The following ROBO2 variants were observed in gnomAD, a reference collection of about 807,000 sequenced individuals.
The protein encoded by ROBO2 is roundabout homolog 2.
Under a neutral mutation model 160.8 loss-of-function variants are expected in ROBO2, and 53 were observed. The observed-to-expected ratio is 0.33, with a 90% CI of 0.26 to 0.41. The LOEUF is 0.41. Ranked by LOEUF, ROBO2 falls within the 10% of genes least tolerant of loss-of-function variation. ROBO2 has a pLI of 1.00. For missense variants in ROBO2, 1,577 were observed against 1,722.4 expected, an observed-to-expected ratio of 0.92 and a Z score of 1.49; for synonymous variants, 664 against 611.7, an observed-to-expected ratio of 1.09 and a Z score of -1.26.
At chr3:76,292,027 A>G (rs994446723) in intron 2 of ROBO2, among the ~76,000 whole-genome samples, 3 of 151,970 alleles carry the variant, frequency 2.0e-5, no homozygotes, top group Non-Finnish European at 2.9e-5. Context: ...TGTTAGGGCT[A>G]TTTGGTCAAG....
At chr3:77,111,220 T>C (rs537842110) in intron 2 of ROBO2, among the ~76,000 whole-genome samples, 10 of 152,246 alleles carry the variant, frequency 6.6e-5, no homozygotes, top group African/African-American at 2.2e-4. Context: ...CTAGAATTTA[T>C]AAAGATATAT....
intron 2 of ROBO2, among the ~76,000 whole-genome samples, chr3:77,355,053 C>T (rs1473043098): frequency 6.9e-6 from 1 of 145,448 alleles, no homozygotes; most frequent in Non-Finnish European, 1.5e-5. Flanking sequence ...ATCTCTACAA[C>T]CAAAACACAA....
At chr3:76,534,941 G>T (rs1453589072) in intron 2 of ROBO2, among the ~76,000 whole-genome samples, 1 of 152,008 alleles carries the variant, frequency 6.6e-6, no homozygotes, top group African/African-American at 2.4e-5. Context: ...GAGTAAGGTG[G>T]GAGGCAGATG....
At chr3:76,298,148 A>G (rs1709176969) in intron 2 of ROBO2, among the ~76,000 whole-genome samples, 1 of 152,180 alleles carries the variant, frequency 6.6e-6, no homozygotes, top group Non-Finnish European at 1.5e-5. Flanking sequence ...AAGCTGGGTC[A>G]TTTCCTAAGT....
At chr3:76,109,337 A>G (rs577249298) in intron 2 of ROBO2, among the ~76,000 whole-genome samples, 1 of 152,220 alleles carries the variant, frequency 6.6e-6, no homozygotes, top group African/African-American at 2.4e-5. Flanking sequence ...TTTTAAAAAA[A>G]CTAAAGAATT....
chr3:76,095,807 TATAAC>T (rs2069423512), intron 2 of ROBO2, among the ~76,000 whole-genome samples: 1 of 151,044 alleles, frequency 6.6e-6, no homozygotes, highest in African/African-American at 2.4e-5. Flanking sequence ...ATCTGGTAAA[TATAAC>T]AAGGAAATCT....
chr3:76,000,731 C>A (rs1172896446), intron 2 of ROBO2, among the ~76,000 whole-genome samples: 1 of 151,844 alleles, frequency 6.6e-6, no homozygotes, highest in Non-Finnish European at 1.5e-5. Flanking sequence ...ACCTCATGAT[C>A]CACCTGCCTC....
At chr3:76,532,463 T>C (rs2082280350) in intron 2 of ROBO2, among the ~76,000 whole-genome samples, 1 of 152,208 alleles carries the variant, frequency 6.6e-6, no homozygotes, top group East Asian at 1.9e-4. Context: ...CAAACTGTCC[T>C]TTCATATGAT....
intron 2 of ROBO2, among the ~76,000 whole-genome samples, chr3:76,387,941 G>A (rs1186042993): frequency 2.6e-5 from 4 of 152,158 alleles, no homozygotes; most frequent in Non-Finnish European, 2.9e-5. Flanking sequence ...GCAATGGGAT[G>A]AAATGATCAG....
intron 2 of ROBO2, among the ~76,000 whole-genome samples, chr3:76,780,520 C>G (rs1025912164): frequency 6.6e-6 from 1 of 150,600 alleles, no homozygotes; most frequent in South Asian, 2.1e-4. Context: ...AGACCCATGT[C>G]GAGAAGGTTT....
rs191943960 is a variant in ROBO2, at chr3:76,353,002, G to A, written c.109+415400G>A. Among the ~76,000 whole-genome samples, 975 of 152,068 alleles carry A rather than the reference G, an allele frequency of 6.4e-3. 5 individuals carry two copies. The highest frequency in any genetic ancestry group is 0.01 in the Non-Finnish European group (701 of 67,940). On this transcript the variant is annotated intron_variant, in intron 2 of 26. Transcript: ENST00000487694. ...GATTTTAATTCAAGAACAGCCTGGC[G>A]TTTCCTCTCCCAAAATACAATTCTA...
chr3:76,412,934 CT>C (rs1289016305), intron 2 of ROBO2, among the ~76,000 whole-genome samples: 3 of 152,314 alleles, frequency 2.0e-5, no homozygotes, highest in Non-Finnish European at 4.4e-5. Context: ...CCGCACTGCC[CT>C]AGCAGAGGTT....
chr3:76,529,289 G>A (rs1459965686), intron 2 of ROBO2, among the ~76,000 whole-genome samples: 1 of 152,164 alleles, frequency 6.6e-6, no homozygotes, highest in Non-Finnish European at 1.5e-5. Context: ...GTCTCCTAGA[G>A]CTAAGGCAAG....
intron 1 of ROBO2, among the ~76,000 whole-genome samples, chr3:77,044,180 A>G (rs982898642): frequency 1.3e-5 from 2 of 152,072 alleles, no homozygotes; most frequent in Non-Finnish European, 2.9e-5. Context: ...AAAAAAAAGT[A>G]ATGATTATAT....
intron 2 of ROBO2, among the ~76,000 whole-genome samples, chr3:77,450,031 GA>G (rs11325457): frequency 0.31 from 46,189 of 149,370 alleles, 7,677 homozygotes; most frequent in African/African-American, 0.44. Flanking sequence ...TGTAAACACA[GA>G]AAAAAAAAAA....
chr3:76,249,434 A>C (rs1021078157), intron 2 of ROBO2, among the ~76,000 whole-genome samples: 1 of 151,560 alleles, frequency 6.6e-6, no homozygotes, highest in Non-Finnish European at 1.5e-5. Context: ...ATTACTTATG[A>C]TAACTCAACT....
At chr3:75,956,507 C>T (rs1165854008) in intron 2 of ROBO2, among the ~76,000 whole-genome samples, 1 of 151,588 alleles carries the variant, frequency 6.6e-6, no homozygotes, top group Non-Finnish European at 1.5e-5. Context: ...TTTACCATTA[C>T]CTTTTAATTT....
At chr3:75,924,897 C>A (rs1432022357) in intron 1 of ROBO2, among the ~76,000 whole-genome samples, 4 of 151,246 alleles carry the variant, frequency 2.6e-5, no homozygotes, top group African/African-American at 9.7e-5. Flanking sequence ...ACCGTGTTAG[C>A]CAGGATGGTC....
intron 2 of ROBO2, among the ~76,000 whole-genome samples, chr3:76,846,724 AT>A (rs1316829685): frequency 6.6e-6 from 1 of 152,070 alleles, no homozygotes; most frequent in Admixed American, 6.6e-5. Context: ...TTAGTTTCTT[AT>A]TTTTTTCCAA....
Sources: allele counts gnomAD v4.1 joint callset (sites outside exome capture counted in the v4.1 genomes callset), GRCh38; gene constraint gnomAD v4.1.1; transcripts MANE v1.5; gene names NCBI Gene and HGNC (gene_info 2026-07-23, HGNC 2026-07-21).